NTM: variants seen among roughly 807,000 people sequenced by gnomAD.
NTM encodes IgLON family member 2.
Under a neutral mutation model 42.1 loss-of-function variants are expected in NTM, and 13 were observed. That is an observed-to-expected ratio of 0.31 (90% confidence interval 0.20 to 0.49). The LOEUF (loss-of-function observed/expected upper bound fraction) is 0.49. Among genes scored for constraint, NTM ranks in the 20% least tolerant of loss-of-function variants. The pLI, the probability that NTM is intolerant of heterozygous loss-of-function variation, is 0.99. For synonymous variants in NTM, 187 were observed against 179.2 expected, an observed-to-expected ratio of 1.04 and a Z score of -0.35; for missense variants, 373 against 452.8, an observed-to-expected ratio of 0.82 and a Z score of 1.60.
chr11:131,743,257 A>G (rs1397608937), intron 1 of NTM, among the ~76,000 whole-genome samples: 2 of 151,094 alleles, frequency 1.3e-5, no homozygotes, highest in Non-Finnish European at 3.0e-5. Flanking sequence ...AATTTTAGAG[A>G]TAATAATTCT....
intron 1 of NTM, among the ~76,000 whole-genome samples, chr11:131,714,148 C>T (rs751194267): frequency 3.9e-5 from 6 of 152,106 alleles, no homozygotes; most frequent in Non-Finnish European, 4.4e-5. Context: ...CTCCTGATAT[C>T]GTACCTGGAA....
At chr11:131,658,630 C>G (rs372385560) in intron 1 of NTM, among the ~76,000 whole-genome samples, 1 of 152,166 alleles carries the variant, frequency 6.6e-6, no homozygotes, top group African/African-American at 2.4e-5. Flanking sequence ...AGAAACTTGC[C>G]CAGATGCAAA....
chr11:132,111,303 T>C (rs2063168275), intron 2 of NTM, among the ~76,000 whole-genome samples: 2 of 151,542 alleles, frequency 1.3e-5, no homozygotes, highest in African/African-American at 4.8e-5. Context: ...TTTTTATATA[T>C]ACATATATAT....
intron 1 of NTM, among the ~76,000 whole-genome samples, chr11:131,698,607 T>C (rs1340244257): frequency 2.0e-5 from 3 of 152,166 alleles, no homozygotes; most frequent in Non-Finnish European, 1.5e-5. Flanking sequence ...TAGCTAATAA[T>C]TTTATAAGAG....
At chr11:131,894,270 G>T (rs2051872315) in intron 1 of NTM, among the ~76,000 whole-genome samples, 3 of 152,212 alleles carry the variant, frequency 2.0e-5, no homozygotes, top group African/African-American at 7.2e-5. Flanking sequence ...ATGTGTTCAG[G>T]CTTGGTCTAT....
intron 1 of NTM, among the ~76,000 whole-genome samples, chr11:131,386,837 T>G (rs920774939): frequency 6.6e-6 from 1 of 152,224 alleles, no homozygotes; most frequent in Non-Finnish European, 1.5e-5. Context: ...AAATATAATC[T>G]ACCCCAGTCT....
At chr11:132,189,593 A>G (rs973098190) in intron 3 of NTM, among the ~76,000 whole-genome samples, 8 of 152,092 alleles carry the variant, frequency 5.3e-5, no homozygotes, top group African/African-American at 1.9e-4. Flanking sequence ...CAAGCAGCAA[A>G]TTGTGCACCA....
intron 2 of NTM, among the ~76,000 whole-genome samples, chr11:132,131,963 C>T (rs966250124): frequency 1.3e-5 from 2 of 152,162 alleles, no homozygotes; most frequent in African/African-American, 4.8e-5. Context: ...TACAGCCTGG[C>T]TAGAGTCCCT....
At chr11:132,147,175 TTGTGTGTGTGTGTGTG>T (rs751528769) in intron 3 of NTM, among the ~76,000 whole-genome samples, 12 of 123,524 alleles carry the variant, frequency 9.7e-5, no homozygotes, top group South Asian at 3.0e-4. Flanking sequence ...CCTTGTATGT[TTGTGTGTGTGTGTGTG>T]TGTGTGTGTG....
chr11:131,534,595 TAAAAG>T (rs2051845996), intron 1 of NTM: 1 of 152,184 alleles, frequency 6.6e-6, no homozygotes. Flanking sequence ...TCACCCAACA[TAAAAG>T]AAAATCTTGC....
intron 4 of NTM, among the ~76,000 whole-genome samples, chr11:132,301,025 C>G (rs984605855): frequency 6.6e-6 from 1 of 152,154 alleles, no homozygotes; most frequent in African/African-American, 2.4e-5. Flanking sequence ...CACAGTGGCA[C>G]CATACACCTC....
At chr11:131,639,691 C>T (rs148481506) in intron 1 of NTM, among the ~76,000 whole-genome samples, 2,253 of 152,298 alleles carry the variant, frequency 0.015, 27 homozygotes, top group Non-Finnish European at 0.024. Flanking sequence ...GGCGCGGTGG[C>T]TCACGCCTGT....
At chr11:131,859,833 G>A (rs1471216336) in intron 1 of NTM, among the ~76,000 whole-genome samples, 1 of 151,602 alleles carries the variant, frequency 6.6e-6, no homozygotes, top group African/African-American at 2.4e-5. Context: ...GAGACACTTT[G>A]TATTTCCATT....
At chr11:132,170,976 T>C (rs575325655) in intron 3 of NTM, among the ~76,000 whole-genome samples, 1 of 152,290 alleles carries the variant, frequency 6.6e-6, no homozygotes, top group East Asian at 1.9e-4. Context: ...CCTGCATTTG[T>C]CTTTGTACTC....
intron 7 of NTM, among the ~76,000 whole-genome samples, chr11:132,317,385 G>A (rs890239433): frequency 2.0e-5 from 3 of 152,152 alleles, no homozygotes; most frequent in African/African-American, 7.2e-5. Flanking sequence ...AGCTAAGAGT[G>A]AATCCAACTG....
chr11:131,508,052 A>G (rs1156862597), intron 1 of NTM, among the ~76,000 whole-genome samples: 2 of 150,508 alleles, frequency 1.3e-5, no homozygotes, highest in African/African-American at 4.9e-5. Context: ...AATTAAACTA[A>G]AGAGCTTCTG....
In NTM at chr11:131,536,534, A is replaced by T. The variant is rs1378849836; in HGVS notation, c.82+165646A>T. 3 of 152,316 alleles carry T rather than the reference A, an allele frequency of 2.0e-5. No homozygotes were observed. In the East Asian group the frequency reaches 5.8e-4, roughly 29 times the overall value. 9.4% of individuals were successfully genotyped at this position (152,316 alleles called of 1,614,324 possible). On this transcript the variant is annotated intron_variant, in intron 1 of 8. Transcript: ENST00000683400. ...GAAAGTTATCAAACATACAGAAAAG[A>T]TGAAAGATTTTTACAGTTAAGACCC...
intron 1 of NTM, among the ~76,000 whole-genome samples, chr11:131,843,012 AAAAT>A (rs560126461): frequency 1.3e-5 from 2 of 152,054 alleles, no homozygotes; most frequent in South Asian, 4.1e-4. Context: ...TTTGTCTCAA[AAAAT>A]AAATAAATAA....
intron 1 of NTM, among the ~76,000 whole-genome samples, chr11:131,645,795 G>C (rs2065702321): frequency 6.6e-6 from 1 of 152,186 alleles, no homozygotes; most frequent in African/African-American, 2.4e-5. Flanking sequence ...ATCTTGGATA[G>C]GTCTGTGGAC....
Sources: gnomAD v4.1 joint callset for allele counts (sites outside exome capture counted in the v4.1 genomes callset) on GRCh38, gnomAD v4.1.1 for gene constraint, MANE v1.5 for transcripts, NCBI Gene and HGNC (gene_info 2026-07-23, HGNC 2026-07-21) for gene names.